Variants in TMCC1 observed in about 807,000 individuals in gnomAD.
TMCC1 encodes transmembrane and coiled-coil domains protein 1.
A neutral mutation model predicts 52.4 loss-of-function variants in TMCC1; 15 were observed. The ratio of observed to expected loss-of-function variants is 0.29; its 90% CI spans 0.19 to 0.44. TMCC1 has a LOEUF of 0.44. TMCC1 is among the 20% of genes least tolerant of loss of function. The pLI is 1.00. For synonymous variants in TMCC1, 279 were observed against 301.9 expected (o/e 0.92, Z 0.79); for missense variants, 503 against 806.0 (o/e 0.62, Z 4.55).
At chr3:129,807,155 A>G (rs1441424642) in intron 4 of TMCC1, among the ~76,000 whole-genome samples, 2 of 152,178 alleles carry the variant, frequency 1.3e-5, no homozygotes, top group African/African-American at 2.4e-5. Context: ...GTCAACAAAC[A>G]TTTGTAGTAA....
chr3:129,820,752 T>C (rs889305236), intron 4 of TMCC1, among the ~76,000 whole-genome samples: 2 of 152,154 alleles, frequency 1.3e-5, no homozygotes, highest in Non-Finnish European at 2.9e-5. Flanking sequence ...CAGATGGTTA[T>C]AGCAACTTGG....
At chr3:129,742,908 T>C (rs1216861462) in intron 4 of TMCC1, among the ~76,000 whole-genome samples, 1 of 152,168 alleles carries the variant, frequency 6.6e-6, no homozygotes, top group Non-Finnish European at 1.5e-5. Context: ...ATGTATTACA[T>C]GTTTCTGGAA....
At chr3:129,674,977 A>G (rs1032060452) in intron 4 of TMCC1, among the ~76,000 whole-genome samples, 1 of 152,122 alleles carries the variant, frequency 6.6e-6, no homozygotes, top group African/African-American at 2.4e-5. Flanking sequence ...AGCTGGGATT[A>G]CAGGCGCACG....
intron 3 of TMCC1, among the ~76,000 whole-genome samples, chr3:129,829,969 A>C (rs565860831): frequency 6.6e-6 from 1 of 152,186 alleles, no homozygotes; most frequent in Non-Finnish European, 1.5e-5. Context: ...TAATCTCTTC[A>C]TAACAGAGGA....
At chr3:129,838,002 T>C (rs2059242042) in intron 2 of TMCC1, among the ~76,000 whole-genome samples, 1 of 152,112 alleles carries the variant, frequency 6.6e-6, no homozygotes, top group Non-Finnish European at 1.5e-5. Context: ...CTGGAGAACA[T>C]ACAACAGCTG....
intron 4 of TMCC1, among the ~76,000 whole-genome samples, chr3:129,745,363 C>T (rs2051840604): frequency 6.6e-6 from 1 of 152,238 alleles, no homozygotes; most frequent in South Asian, 2.1e-4. Flanking sequence ...CCAACAGCTT[C>T]TCAGCCACAG....
chr3:129,807,425 G>A lies in TMCC1; in HGVS notation c.576+20378C>T, dbSNP rs985436658. On this transcript the variant is annotated intron_variant, in intron 4 of 6. Coordinates refer to ENST00000393238, the MANE Select transcript of TMCC1 (RefSeq NM_001017395.5). Reference sequence around the variant, plus strand: ...CAGTGTTTCCAGATCCAGTCTTTGAGTTTTCCAGATTGAAAGGACTCATAA... The same window carrying A: ...CAGTGTTTCCAGATCCAGTCTTTGAATTTTCCAGATTGAAAGGACTCATAA... 5.3e-5 allele frequency among the ~76,000 whole-genome samples: 8 copies of A among 152,236 alleles called. No homozygotes were observed. In the East Asian group the frequency reaches 7.7e-4, roughly 15 times the overall value.
chr3:129,651,685 C>T lies in TMCC1; in HGVS notation c.1758G>A (p.Leu586=), dbSNP rs756755725. Residue 586 remains leucine, a synonymous_variant, in exon 7 of 7, where the codon CTG becomes CTA. Coordinates refer to ENST00000393238, the MANE Select transcript of TMCC1 (RefSeq NM_001017395.5). This position sits in a 1 kb window ranked among gnomAD's most constrained non-coding sequence, Gnocchi z 5.1. ...CCAGGAGGATGTTGATGAGTTTGCC[C>T]AGAAGGTTCCGGGCAGTGGCATTCT... The part of the protein sequence containing the change: ...GLENATARNL[L]GKLINILLAV... The T allele has an allele frequency of 1.8e-4, 288 of 1,614,088 alleles. 1 individual carries two copies. Among genetic ancestry groups the T allele is most frequent in the Middle Eastern group, 3.3e-4 (2 of 6,084 alleles).
intron 4 of TMCC1, among the ~76,000 whole-genome samples, chr3:129,709,198 C>T (rs1452175264): frequency 6.6e-6 from 1 of 152,064 alleles, no homozygotes; most frequent in African/African-American, 2.4e-5. Flanking sequence ...TGTAGTGGCT[C>T]ATGCCTGCAA....
chr3:129,785,634 G>A (rs1365479036), intron 4 of TMCC1, among the ~76,000 whole-genome samples: 2 of 151,878 alleles, frequency 1.3e-5, no homozygotes, highest in East Asian at 3.9e-4. Context: ...TTACACTCAG[G>A]TGTTGTTTAT....
intron 4 of TMCC1, among the ~76,000 whole-genome samples, chr3:129,711,018 C>G (rs2048640496): frequency 6.6e-6 from 1 of 152,120 alleles, no homozygotes. Context: ...CGCCTGCCAC[C>G]ATGCCCGGCT....
At chr3:129,654,905 G>A in intron 6 of TMCC1, 63 bp downstream of exon 6, 1 of 1,573,218 alleles carries the variant, frequency 6.4e-7, no homozygotes, top group Non-Finnish European at 8.6e-7. Context: ...TCCTTCCGCT[G>A]TTTTCCTTTT....
At chr3:129,748,934 A>C (rs1326265480) in intron 4 of TMCC1, among the ~76,000 whole-genome samples, 2 of 152,126 alleles carry the variant, frequency 1.3e-5, no homozygotes, top group African/African-American at 4.8e-5. Flanking sequence ...AGGAGGCACA[A>C]GAATCCTTTG....
At chr3:129,738,512 ATT>A (rs62684361) in intron 4 of TMCC1, among the ~76,000 whole-genome samples, 35,312 of 151,924 alleles carry the variant, frequency 0.23, 6,574 homozygotes, top group East Asian at 0.57. Context: ...TGTAAAATTT[ATT>A]TGTTTTTAAA....
intron 4 of TMCC1, among the ~76,000 whole-genome samples, chr3:129,773,543 T>C (rs1182250561): frequency 1.3e-5 from 2 of 151,972 alleles, no homozygotes; most frequent in African/African-American, 4.8e-5. Flanking sequence ...TTAAGCAAAA[T>C]GGAAAAAAAA....
chr3:129,783,267 T>C (rs1016807885), intron 4 of TMCC1, among the ~76,000 whole-genome samples: 1 of 152,176 alleles, frequency 6.6e-6, no homozygotes, highest in Non-Finnish European at 1.5e-5. Context: ...TACTTGCTCA[T>C]TGAATAGAAA....
intron 2 of TMCC1, among the ~76,000 whole-genome samples, chr3:129,838,752 CAAAAAAAAAAAAAAA>C (rs35240365): frequency 1.5e-5 from 1 of 65,828 alleles, no homozygotes; most frequent in African/African-American, 6.7e-5. Flanking sequence ...GACTCTGTCT[CAAAAAAAAAAAAAAA>C]AAAAAAAAAA....
chr3:129,757,664 C>T (rs1195939797), intron 4 of TMCC1, among the ~76,000 whole-genome samples: 1 of 151,812 alleles, frequency 6.6e-6, no homozygotes, highest in African/African-American at 2.4e-5. Context: ...CTACTAAAAA[C>T]AAACAAACAA....
chr3:129,793,328 G>A (rs1012459998), intron 4 of TMCC1, among the ~76,000 whole-genome samples: 1 of 152,132 alleles, frequency 6.6e-6, no homozygotes, highest in African/African-American at 2.4e-5. Context: ...TTCTGCATCA[G>A]TGCACACACT....
Sources: gnomAD v4.1 joint callset for allele counts (sites outside exome capture counted in the v4.1 genomes callset) on GRCh38, gnomAD v4.1.1 for gene constraint, Gnocchi (gnomAD v3.1) non-coding constraint, MANE v1.5 for transcripts, NCBI Gene and HGNC (gene_info 2026-07-23, HGNC 2026-07-21) for gene names.